SIDT2: variants seen among roughly 807,000 people sequenced by gnomAD.
SIDT2 encodes SID1 transmembrane family, member 2.
Under a neutral mutation model 114.4 loss-of-function variants are expected in SIDT2, and 68 were observed. The observed-to-expected ratio is 0.59, with a 90% CI of 0.49 to 0.73. The LOEUF is 0.73. SIDT2 is among the 30% of genes least tolerant of loss of function. The pLI is 0.00. For missense variants in SIDT2, 918 were observed against 1,097.1 expected, an observed-to-expected ratio of 0.84 and a Z score of 2.31; for synonymous variants, 470 against 438.4, an observed-to-expected ratio of 1.07 and a Z score of -0.90.
At chr11:117,182,199 T>C (rs1591765837) in intron 4 of SIDT2, 94 bp downstream of exon 4, 2 of 1,432,686 alleles carry the variant, frequency 1.4e-6, no homozygotes, top group Non-Finnish European at 1.9e-6. Flanking sequence ...GCCTTTTGAA[T>C]TGGCTGTTTT....
chr11:117,182,580 A>T lies in SIDT2; in HGVS notation c.578A>T (p.Lys193Met). 1 of 1,614,234 alleles carries T rather than the reference A, an allele frequency of 6.2e-7. No individual in the cohort carries two copies. The change falls in exon 5 of 26, where the codon AAG (lysine) becomes ATG (methionine). Residue 193 changes from lysine (K) to methionine (M), a missense_variant. Physicochemically the swap from Lys to Met is moderately conservative, Grantham distance 95. Transcript: ENST00000324225. ...GTAATTGTCAAGGTGACCTCCAACAAGGCCTTCCCCTGCTCAGTCATCTCC... is the reference window on the plus strand; with the variant it reads ...GTAATTGTCAAGGTGACCTCCAACATGGCCTTCCCCTGCTCAGTCATCTCC... ...DSVIVKVTSN[K>M]AFPCSVISIQ...
chr11:117,190,492 C>T lies in SIDT2; in HGVS notation c.1618-131C>T. On this transcript the variant is annotated intron_variant, in intron 17 of 25. Coordinates refer to ENST00000324225, the MANE Select transcript of SIDT2 (RefSeq NM_001040455.2). The surrounding 1 kb of genome is among the most constrained non-coding windows in gnomAD (Gnocchi z 4.1). Reference sequence around the variant, plus strand: ...CCAGCCTGCCCAGGCCAGCCCACCCCTGCACACCCACACTCGACACATACC... The same window carrying T: ...CCAGCCTGCCCAGGCCAGCCCACCCTTGCACACCCACACTCGACACATACC... The T allele has an allele frequency of 1.8e-6, 2 of 1,097,232 alleles. No homozygotes were observed. The highest frequency in any genetic ancestry group is 2.6e-6 in the Non-Finnish European group (2 of 768,622). 68.0% of individuals were successfully genotyped at this position (1,097,232 alleles called of 1,614,324 possible). A position where few individuals can be genotyped will look rare whatever the true frequency, so the allele number is the denominator to read the frequency against.
rs546719540 is a variant in SIDT2 at position 117,179,008 on chromosome 11, G to A, written c.-256G>A. 256 of 528,304 alleles carry A rather than the reference G, an allele frequency of 4.8e-4. No individual in the cohort carries two copies. Among genetic ancestry groups the A allele is most frequent in the Middle Eastern group, 4.1e-3 (8 of 1,944 alleles). The allele number at this position is 528,304 out of a possible 1,614,324, so 32.7% of individuals were successfully genotyped here. Reference sequence around the variant, plus strand: ...TCAGGTCGTACTCAGCCCCTCGCGAGCTGGGACCCCTTCCCGTAGCCAGCA... The same window carrying A: ...TCAGGTCGTACTCAGCCCCTCGCGAACTGGGACCCCTTCCCGTAGCCAGCA... On this transcript the variant is annotated 5_prime_UTR_variant, in exon 1 of 26. Coordinates refer to ENST00000324225, the MANE Select transcript of SIDT2 (RefSeq NM_001040455.2).
chr11:117,191,591 A>T (rs1256186985), intron 18 of SIDT2: 2 of 392,548 alleles, frequency 5.1e-6, no homozygotes, highest in Non-Finnish European at 4.6e-6. Flanking sequence ...CTCCAAAAAA[A>T]TAAAAGGGAG....
intron 11 of SIDT2, 73 bp downstream of exon 11, chr11:117,187,522 G>A: frequency 6.3e-7 from 1 of 1,597,286 alleles, no homozygotes; most frequent in Non-Finnish European, 8.6e-7. Context: ...CTCCGAGGCG[G>A]TAAAGTGGGA....
rs577215077 is a variant in SIDT2, at chr11:117,193,380, G to A, written c.2211+122G>A. On this transcript the variant is annotated intron_variant, in intron 23 of 25. Coordinates refer to ENST00000324225, the MANE Select transcript of SIDT2 (RefSeq NM_001040455.2). ...TCCCATCTTTGCTGGTTGCGGAGGG[G>A]AGAGGCTAAAGCCTCTTGCATGGGC... 38 of 906,010 alleles carry A rather than the reference G, an allele frequency of 4.2e-5. No individual in the cohort carries two copies. In the East Asian group the frequency reaches 7.9e-4, roughly 19 times the overall value. The allele number at this position is 906,010 out of a possible 1,614,324, so 56.1% of individuals were successfully genotyped here.
Position 117,182,710 on chromosome 11 carries a change from C to T in SIDT2, c.619-13C>T, listed in dbSNP as rs780846392. 126 of 1,613,936 alleles carry T rather than the reference C, an allele frequency of 7.8e-5. 1 individual carries two copies. Among genetic ancestry groups the T allele is most frequent in the Middle Eastern group, 4.9e-4 (3 of 6,084 alleles). Reference sequence around the variant, plus strand: ...CAGGTTCCCATCCATCTGCCTCTCCCGCCCCTCTGCAGTGTCCTGTCTATG... The same window carrying T: ...CAGGTTCCCATCCATCTGCCTCTCCTGCCCCTCTGCAGTGTCCTGTCTATG... On this transcript the variant is annotated splice_polypyrimidine_tract_variant and intron_variant, in intron 5 of 25. Coordinates refer to ENST00000324225, the MANE Select transcript of SIDT2 (RefSeq NM_001040455.2).
chr11:117,190,820 C>T lies in SIDT2; in HGVS notation c.1735+80C>T, dbSNP rs901030566. The T allele has an allele frequency of 4.3e-6, 5 of 1,157,122 alleles. No individual in the cohort carries two copies. Among genetic ancestry groups the T allele is most frequent in the Non-Finnish European group, 6.5e-6 (5 of 770,332 alleles). The allele number at this position is 1,157,122 out of a possible 1,614,324, so 71.7% of individuals were successfully genotyped here. A position where few individuals can be genotyped will look rare whatever the true frequency, so the allele number is the denominator to read the frequency against. Reference sequence around the variant, plus strand: ...TCCTTCACTATCCCCAAGTCACCCACAGGGATCGCTAAGACACCCCTGTAG... The same window carrying T: ...TCCTTCACTATCCCCAAGTCACCCATAGGGATCGCTAAGACACCCCTGTAG... On this transcript the variant is annotated intron_variant, in intron 18 of 25. Coordinates refer to ENST00000324225, the MANE Select transcript of SIDT2 (RefSeq NM_001040455.2). This position sits in a 1 kb window ranked among gnomAD's most constrained non-coding sequence, Gnocchi z 4.1.
chr11:117,188,703 T>C lies in SIDT2; in HGVS notation c.1160-5T>C, dbSNP rs1197347638. ...GTGCAACCCCTCCCTCCCTGCCCTTTCCAGGCCGCTCCTTTGAACCTGTAG... is the reference window on the plus strand; with the variant it reads ...GTGCAACCCCTCCCTCCCTGCCCTTCCCAGGCCGCTCCTTTGAACCTGTAG... On this transcript the variant is annotated splice_polypyrimidine_tract_variant and splice_region_variant and intron_variant, in intron 12 of 25. Transcript: ENST00000324225. This position sits in a 1 kb window ranked among gnomAD's most constrained non-coding sequence, Gnocchi z 4.0. 2 of 1,613,456 alleles carry C rather than the reference T, an allele frequency of 1.2e-6. No homozygotes were observed. The highest frequency in any genetic ancestry group is 1.1e-5 in the South Asian group (1 of 91,072).
chr11:117,190,015 G>A lies in SIDT2; in HGVS notation c.1483G>A (p.Gly495Ser). Reference protein sequence around the residue: ...YYNFLCAHPLGNLSAFNNILS... With the variant: ...YYNFLCAHPLSNLSAFNNILS... Reference sequence around the variant, plus strand: ...CAACTTCCTCTGCGCCCACCCACTGGGCAATCTCAGGTGGGGGTCATGCTG... The same window carrying A: ...CAACTTCCTCTGCGCCCACCCACTGAGCAATCTCAGGTGGGGGTCATGCTG... The change falls in exon 16 of 26, where the codon GGC (glycine) becomes AGC (serine). Residue 495 changes from glycine to serine, a missense_variant. Gly to Ser is a moderately conservative substitution (Grantham distance 56, BLOSUM62 0). Coordinates refer to ENST00000324225, the MANE Select transcript of SIDT2 (RefSeq NM_001040455.2). This position sits in a 1 kb window ranked among gnomAD's most constrained non-coding sequence, Gnocchi z 4.1. 1.2e-6 allele frequency: 2 copies of A among 1,614,138 alleles called. No individual in the cohort carries two copies. Among genetic ancestry groups the A allele is most frequent in the Non-Finnish European group, 1.7e-6 (2 of 1,180,018 alleles).
At chr11:117,186,353 T>C in intron 9 of SIDT2, 130 bp downstream of exon 9, 1 of 882,196 alleles carries the variant, frequency 1.1e-6, no homozygotes, top group South Asian at 1.5e-5. Context: ...GTGGGGCTGT[T>C]AGAGTCTGTG....
At position 117,179,301 on chromosome 11, in the gene SIDT2, T is replaced by G. The variant is rs533849856; in HGVS notation, c.38T>G (p.Val13Gly). The G allele has an allele frequency of 3.1e-6, 5 of 1,614,018 alleles. No homozygotes were observed. In the South Asian group the frequency reaches 5.5e-5, roughly 18 times the overall value. ...GGCTTGCCCTTCTTGGTGCTCTTGGTGGCCTCGGTCGAGAGCCATCTGGGG... is the reference window on the plus strand; with the variant it reads ...GGCTTGCCCTTCTTGGTGCTCTTGGGGGCCTCGGTCGAGAGCCATCTGGGG... ...ALGLPFLVLL[V>G]ASVESHLGVL... The change falls in exon 1 of 26, where the codon GTG (valine) becomes GGG (glycine). Residue 13 changes from valine (V) to glycine (G), a missense_variant. Physicochemically the swap from Val to Gly is moderately radical, Grantham distance 109. Around this residue, in one of 4 missense-constraint regions of SIDT2, gnomAD observed 553 missense variants for 600.1 expected, o/e 0.92. Coordinates refer to ENST00000324225, the MANE Select transcript of SIDT2 (RefSeq NM_001040455.2).
chr11:117,182,702 G>A lies in SIDT2; in HGVS notation c.619-21G>A, dbSNP rs532829402. 15 of 1,613,984 alleles carry A rather than the reference G, an allele frequency of 9.3e-6. No homozygotes were observed. In the South Asian group the frequency reaches 1.4e-4, roughly 15 times the overall value. On this transcript the variant is annotated intron_variant, in intron 5 of 25. Coordinates refer to ENST00000324225, the MANE Select transcript of SIDT2 (RefSeq NM_001040455.2). ...GGGCAGGCCAGGTTCCCATCCATCT[G>A]CCTCTCCCGCCCCTCTGCAGTGTCC...
At chr11:117,181,998 C>T (rs374187803) in intron 3 of SIDT2, 27 bp downstream of exon 3, 105 of 1,613,952 alleles carry the variant, frequency 6.5e-5, no homozygotes, top group Non-Finnish European at 8.2e-5. Context: ...GAGGGGACCA[C>T]GGGGGCTGGT....
chr11:117,192,174 C>A lies in SIDT2; in HGVS notation c.1873-80C>A. On this transcript the variant is annotated intron_variant, in intron 19 of 25. Transcript: ENST00000324225. The surrounding 1 kb of genome is among the most constrained non-coding windows in gnomAD (Gnocchi z 5.9). ...CTCTCAGAGTCCCAGCCTGGCTGAG[C>A]AGCCAGCCCCAGGAAGGGTGGGCCA... The A allele has an allele frequency of 6.7e-7, 1 of 1,485,760 alleles. No individual in the cohort carries two copies. Among genetic ancestry groups the A allele is most frequent in the Non-Finnish European group, 9.3e-7 (1 of 1,069,894 alleles). 92.0% of individuals were successfully genotyped at this position (1,485,760 alleles called of 1,614,324 possible). A position where few individuals can be genotyped will look rare whatever the true frequency, so the allele number is the denominator to read the frequency against.
intron 18 of SIDT2, chr11:117,191,641 A>C: frequency 1.7e-6 from 1 of 573,080 alleles, no homozygotes; most frequent in Non-Finnish European, 3.1e-6. Flanking sequence ...GACACAGACC[A>C]AGTTGTCCCT....
At chr11:117,186,657 T>TG (rs1462458243) in intron 10 of SIDT2, 21 bp downstream of exon 10, 1 of 1,450,546 alleles carries the variant, frequency 6.9e-7, no homozygotes, top group East Asian at 2.7e-5. Flanking sequence ...GGGGCCTGGG[T>TG]GGGGCGGGCA....
At chr11:117,181,261 T>C (rs2030272255) in intron 1 of SIDT2, among the ~76,000 whole-genome samples, 155 bp from the exon 2 acceptor site, 1 of 151,958 alleles carries the variant, frequency 6.6e-6, no homozygotes, top group Admixed American at 6.6e-5. Flanking sequence ...CTGGGGGTTG[T>C]TCTGGCAGAA....
chr11:117,190,537 ACTC>A lies in SIDT2; in HGVS notation c.1618-82_1618-80del, dbSNP rs1267607264. Reference sequence around the variant, plus strand: ...CATACCCCACCCCTTTTCCTCTTCCACTCCTCTTAGGGTCCCTCTTTTGGGTCC... The same window carrying A: ...CATACCCCACCCCTTTTCCTCTTCCACTCTTAGGGTCCCTCTTTTGGGTCC... On this transcript the variant is annotated intron_variant, in intron 17 of 25. Transcript: ENST00000324225. This position sits in a 1 kb window ranked among gnomAD's most constrained non-coding sequence, Gnocchi z 4.1. 2.7e-6 allele frequency: 3 copies of A among 1,111,936 alleles called. No individual in the cohort carries two copies. The Admixed American group carries it at 7.5e-5, about 28-fold the overall frequency. The allele number at this position is 1,111,936 out of a possible 1,614,324, so 68.9% of individuals were successfully genotyped here.
Sources: allele counts gnomAD v4.1 joint callset (sites outside exome capture counted in the v4.1 genomes callset), GRCh38; gene constraint gnomAD v4.1.1; regional missense constraint gnomAD v4.1.1; non-coding constraint Gnocchi (gnomAD v3.1); transcripts MANE v1.5; gene names NCBI Gene and HGNC (gene_info 2026-07-23, HGNC 2026-07-21).